The following CNTNAP2 variants were observed in gnomAD, a reference collection of about 807,000 sequenced individuals.
CNTNAP2 encodes contactin-associated protein-like 2.
CNTNAP2 carries 98 observed loss-of-function variants against 155.2 expected under a neutral mutation model. The ratio of observed to expected loss-of-function variants is 0.63; its 90% confidence interval spans 0.54 to 0.75. CNTNAP2 has a LOEUF of 0.75. Ranked by LOEUF, CNTNAP2 falls within the 30% of genes least tolerant of loss-of-function variation. CNTNAP2 has a pLI of 0.00. For synonymous variants in CNTNAP2, 651 were observed against 631.2 expected, an observed-to-expected ratio of 1.03 and a Z score of -0.47; for missense variants, 1,727 against 1,688.1, an observed-to-expected ratio of 1.02 and a Z score of -0.40.
Position 147,638,123 on chromosome 7 carries a change from G to C in CNTNAP2, c.1898-983G>C, listed in dbSNP as rs550593154. 5.3e-5 allele frequency among the ~76,000 whole-genome samples: 8 copies of C among 152,242 alleles called. No homozygotes were observed. The East Asian group carries it at 1.5e-3, about 29-fold the overall frequency. On this transcript the variant is annotated intron_variant, in intron 12 of 23. Transcript: ENST00000361727. Reference sequence around the variant, plus strand: ...ATTTGATATGCCTCAATCCATTGCAGAATATTCTTGTTGATGTTCAGATTG... The same window carrying C: ...ATTTGATATGCCTCAATCCATTGCACAATATTCTTGTTGATGTTCAGATTG...
chr7:147,390,724 C>G (rs1016713728), intron 9 of CNTNAP2, among the ~76,000 whole-genome samples: 6 of 152,188 alleles, frequency 3.9e-5, no homozygotes, highest in African/African-American at 1.4e-4. Context: ...ATCATATCAC[C>G]TTGTTACTAC....
chr7:147,197,775 G>A (rs1802835052), intron 8 of CNTNAP2, among the ~76,000 whole-genome samples: 1 of 152,152 alleles, frequency 6.6e-6, no homozygotes, highest in Admixed American at 6.5e-5. Flanking sequence ...TTCTTCAATA[G>A]CTTTATATTG....
chr7:147,031,727 G>A (rs1050842206), intron 3 of CNTNAP2, among the ~76,000 whole-genome samples: 1 of 152,204 alleles, frequency 6.6e-6, no homozygotes, highest in African/African-American at 2.4e-5. Flanking sequence ...AGACCAGCCT[G>A]GGCAATGTGG....
At chr7:146,966,953 G>T (rs1002824799) in intron 3 of CNTNAP2, among the ~76,000 whole-genome samples, 2 of 152,104 alleles carry the variant, frequency 1.3e-5, no homozygotes, top group Non-Finnish European at 2.9e-5. Context: ...CTTGGAGGTG[G>T]GACACAGGCA....
chr7:146,211,878 T>G (rs1799040417), intron 1 of CNTNAP2, among the ~76,000 whole-genome samples: 2 of 152,176 alleles, frequency 1.3e-5, no homozygotes, highest in South Asian at 2.1e-4. Flanking sequence ...TCTATATTTT[T>G]TAAGTTTATT....
chr7:147,085,107 T>C lies in CNTNAP2; in HGVS notation c.551-23040T>C, dbSNP rs79471371. Among the ~76,000 whole-genome samples, 308 of 152,312 alleles carry C rather than the reference T, an allele frequency of 2.0e-3. 8 individuals carry two copies. In the East Asian group the frequency reaches 0.05, roughly 24 times the overall value. On this transcript the variant is annotated intron_variant, in intron 4 of 23. Coordinates refer to ENST00000361727, the MANE Select transcript of CNTNAP2 (RefSeq NM_014141.6). Reference sequence around the variant, plus strand: ...TTATTAATAAACCAATCAAAGCTGATGTCTTTTGGTTTGAGAAAAACAAAT... The same window carrying C: ...TTATTAATAAACCAATCAAAGCTGACGTCTTTTGGTTTGAGAAAAACAAAT...
At chr7:148,089,667 C>T (rs1378570381) in intron 15 of CNTNAP2, among the ~76,000 whole-genome samples, 1 of 151,616 alleles carries the variant, frequency 6.6e-6, no homozygotes, top group Admixed American at 6.6e-5. Flanking sequence ...AAAGATATCC[C>T]ATTTTCATGA....
At chr7:146,298,733 A>G (rs1228551062) in intron 1 of CNTNAP2, among the ~76,000 whole-genome samples, 1 of 152,238 alleles carries the variant, frequency 6.6e-6, no homozygotes, top group Non-Finnish European at 1.5e-5. Flanking sequence ...AAAGTAGATT[A>G]CAGTTCTGCT....
At chr7:146,218,834 A>G (rs1307685153) in intron 1 of CNTNAP2, among the ~76,000 whole-genome samples, 1 of 152,182 alleles carries the variant, frequency 6.6e-6, no homozygotes, top group Admixed American at 6.5e-5. Flanking sequence ...GGTGTAAGAC[A>G]TAAGTAATAA....
intron 14 of CNTNAP2, among the ~76,000 whole-genome samples, chr7:147,925,682 C>T (rs1171265785): frequency 1.3e-5 from 2 of 152,088 alleles, no homozygotes; most frequent in Admixed American, 6.5e-5. Context: ...AGGATAGTCT[C>T]GATCTCCTGA....
chr7:147,225,050 A>C (rs764880063), intron 8 of CNTNAP2, among the ~76,000 whole-genome samples: 3 of 152,206 alleles, frequency 2.0e-5, no homozygotes, highest in Non-Finnish European at 2.9e-5. Flanking sequence ...AGACTTAGTG[A>C]CTTGAATTAA....
intron 1 of CNTNAP2, among the ~76,000 whole-genome samples, chr7:146,157,023 G>C (rs1275658403): frequency 1.3e-5 from 2 of 152,152 alleles, no homozygotes; most frequent in African/African-American, 4.8e-5. Flanking sequence ...GTAACAAAAA[G>C]TAAAACTGGA....
chr7:146,206,219 T>A (rs1400544172), intron 1 of CNTNAP2, among the ~76,000 whole-genome samples: 1 of 151,928 alleles, frequency 6.6e-6, no homozygotes, highest in African/African-American at 2.4e-5. Context: ...GCAAAATTTT[T>A]AGTGGGAAAA....
intron 17 of CNTNAP2, among the ~76,000 whole-genome samples, chr7:148,149,411 A>G (rs1405568533): frequency 4.6e-5 from 7 of 152,246 alleles, no homozygotes; most frequent in Non-Finnish European, 1.0e-4. Flanking sequence ...CAGAAAAAGA[A>G]TATCTCAGGA....
intron 15 of CNTNAP2, among the ~76,000 whole-genome samples, chr7:148,067,241 A>C (rs1803285214): frequency 6.6e-6 from 1 of 152,148 alleles, no homozygotes; most frequent in Admixed American, 6.5e-5. Flanking sequence ...ATTTCAGAGG[A>C]AAGAGCTGGG....
intron 2 of CNTNAP2, among the ~76,000 whole-genome samples, chr7:146,779,321 A>G (rs1802442297): frequency 6.6e-6 from 1 of 152,200 alleles, no homozygotes; most frequent in Non-Finnish European, 1.5e-5. Context: ...TACAAATTCA[A>G]ATAATACATA....
chr7:147,132,352 C>A lies in CNTNAP2; in HGVS notation c.1191C>A (p.Val397=). 1.2e-6 allele frequency: 2 copies of A among 1,613,700 alleles called. No individual in the cohort carries two copies. Among genetic ancestry groups the A allele is most frequent in the Non-Finnish European group, 1.7e-6 (2 of 1,179,800 alleles). Residue 397 remains valine (V), a synonymous_variant, in exon 8 of 24, where the codon GTC becomes GTA. Coordinates refer to ENST00000361727, the MANE Select transcript of CNTNAP2 (RefSeq NM_014141.6). ...GGCTTAACCAGGACCTGTTCTCAGTCAGTTTCCAGTTTAGGACATGGAACC... is the reference window on the plus strand; with the variant it reads ...GGCTTAACCAGGACCTGTTCTCAGTAAGTTTCCAGTTTAGGACATGGAACC... The part of the protein sequence containing the change: ...PGRLNQDLFS[V]SFQFRTWNPN...
At chr7:146,902,641 C>T (rs778100969) in intron 3 of CNTNAP2, among the ~76,000 whole-genome samples, 10 of 152,202 alleles carry the variant, frequency 6.6e-5, no homozygotes, top group Non-Finnish European at 1.5e-5. Context: ...TTGCAAACTT[C>T]CATTTCCACT....
intron 9 of CNTNAP2, among the ~76,000 whole-genome samples, chr7:147,313,654 T>G (rs957811645): frequency 6.6e-6 from 1 of 151,982 alleles, no homozygotes; most frequent in Non-Finnish European, 1.5e-5. Flanking sequence ...CATGCTGTTT[T>G]GGTTACTGTA....
Sources: gnomAD v4.1 joint callset for allele counts (sites outside exome capture counted in the v4.1 genomes callset) on GRCh38, gnomAD v4.1.1 for gene constraint, MANE v1.5 for transcripts, NCBI Gene and HGNC (gene_info 2026-07-23, HGNC 2026-07-21) for gene names.